NEK10: variants seen among roughly 807,000 people sequenced by gnomAD.
The protein encoded by NEK10 is NIMA related kinase 10, also known as serine/threonine-protein kinase Nek10.
NEK10 carries 122 observed loss-of-function variants against 159.8 expected under a neutral mutation model. The ratio of observed to expected loss-of-function variants is 0.76; its 90% confidence interval spans 0.66 to 0.89. The LOEUF is 0.89. Among genes scored for constraint, NEK10 ranks in the 40% least tolerant of loss-of-function variants. The pLI, the probability that NEK10 is intolerant of heterozygous loss-of-function variation, is 0.00. For missense variants in NEK10, 1,342 were observed against 1,323.1 expected, an observed-to-expected ratio of 1.01 and a Z score of -0.22; for synonymous variants, 466 against 457.1, an observed-to-expected ratio of 1.02 and a Z score of -0.25.
chr3:27,333,221 T>C (rs1025403619), intron 5 of NEK10, among the ~76,000 whole-genome samples: 2 of 152,060 alleles, frequency 1.3e-5, no homozygotes, highest in Non-Finnish European at 1.5e-5. Context: ...ATTATCACCA[T>C]GGACTCCTGC....
rs751581268 is a variant in NEK10, at chr3:27,297,195, G to A, written c.1214C>T (p.Ala405Val). 1 of 1,612,604 alleles carries A rather than the reference G, an allele frequency of 6.2e-7. No homozygotes were observed. Reference sequence around the variant, plus strand: ...TGCTCTCACCTGAACCACCTGGTGGGCATTGGTGTCATTGAGCACCAGCTC... The same window carrying A: ...TGCTCTCACCTGAACCACCTGGTGGACATTGGTGTCATTGAGCACCAGCTC... Reference protein sequence around the residue: ...LTELVLNDTNAHQVVQENGVY... With the variant: ...LTELVLNDTNVHQVVQENGVY... The change falls in exon 14 of 36, where the codon GCC (alanine) becomes GTC (valine). Residue 405 changes from alanine to valine, a missense_variant. Ala to Val is a moderately conservative substitution (Grantham distance 64). Coordinates refer to ENST00000691995, the MANE Select transcript of NEK10 (RefSeq NM_001394966.1).
chr3:27,121,324 A>T (rs890636506), intron 32 of NEK10, among the ~76,000 whole-genome samples: 1 of 152,160 alleles, frequency 6.6e-6, no homozygotes, highest in African/African-American at 2.4e-5. Context: ...CCAGAAACAA[A>T]ATACATAGTG....
At chr3:27,160,235 G>C (rs952603923) in intron 30 of NEK10, among the ~76,000 whole-genome samples, 2 of 152,074 alleles carry the variant, frequency 1.3e-5, no homozygotes, top group Non-Finnish European at 2.9e-5. Context: ...TGGTCCAAAC[G>C]TACTACTTTA....
At chr3:27,307,764 T>C in intron 11 of NEK10, 95 bp downstream of exon 11, 1 of 712,304 alleles carries the variant, frequency 1.4e-6, no homozygotes. Flanking sequence ...CATATTCAGT[T>C]ACAATGTAAA....
chr3:27,363,804 A>T (rs2048854593), intron 1 of NEK10: 1 of 152,184 alleles, frequency 6.6e-6, no homozygotes, highest in Non-Finnish European at 1.5e-5. Flanking sequence ...CACTGATGCA[A>T]GTTGACAAGT....
chr3:27,254,156 A>T (rs1955940742), intron 23 of NEK10, among the ~76,000 whole-genome samples: 2 of 152,118 alleles, frequency 1.3e-5, no homozygotes, highest in Admixed American at 1.3e-4. Flanking sequence ...AAACTCAAAA[A>T]TCTTTTTTAA....
chr3:27,257,788 C>CTTTTTTTT (rs79727702), intron 22 of NEK10, among the ~76,000 whole-genome samples: 14 of 130,528 alleles, frequency 1.1e-4, no homozygotes, highest in African/African-American at 3.6e-4. Flanking sequence ...TTTCTTTTTT[C>CTTTTTTTT]TTTTTTTTTT....
intron 1 of NEK10, among the ~76,000 whole-genome samples, chr3:27,356,206 T>C (rs2048315247): frequency 6.6e-6 from 1 of 152,190 alleles, no homozygotes; most frequent in Admixed American, 6.5e-5. Flanking sequence ...CCTCCAGAAC[T>C]GTTCTTTATA....
At chr3:27,256,458 T>C (rs1266282142) in intron 22 of NEK10, 87 bp from the exon 23 acceptor site, 10 of 592,046 alleles carry the variant, frequency 1.7e-5, no homozygotes, top group African/African-American at 3.9e-5. Context: ...ACACAATAAC[T>C]ACTACACTTC....
intron 26 of NEK10, among the ~76,000 whole-genome samples, chr3:27,183,233 TA>T (rs1948300220): frequency 2.0e-5 from 3 of 151,452 alleles, no homozygotes; most frequent in African/African-American, 7.3e-5. Flanking sequence ...ATTAAAACTT[TA>T]AAATTTAAAA....
intron 26 of NEK10, among the ~76,000 whole-genome samples, chr3:27,186,365 G>C (rs1288847270): frequency 2.0e-5 from 3 of 152,218 alleles, no homozygotes; most frequent in Admixed American, 1.3e-4. Context: ...GAAAAAGAAG[G>C]ATATAATAGA....
rs2148978463 is a variant in NEK10 at position 27,192,034 on chromosome 3, A to T, written c.2500T>A (p.Ser834Thr). Residue 834 changes from serine to threonine, a missense_variant, in exon 26 of 36, where the codon TCT (serine) becomes ACT (threonine). By Grantham distance (58) the Ser-to-Thr change is moderately conservative (BLOSUM62 1). Transcript: ENST00000691995. ...VTCHHELAVL[S>T]HETFEKASLS... ...ATTGAAATATTTGCACTTACGTGAG[A>T]TAGAACAGCCAGCTCATGGTGACAT... 1.2e-6 allele frequency: 2 copies of T among 1,614,154 alleles called. No homozygotes were observed. The highest frequency in any genetic ancestry group is 1.7e-6 in the Non-Finnish European group (2 of 1,179,980).
At chr3:27,155,812 A>G (rs1218952764) in intron 30 of NEK10, among the ~76,000 whole-genome samples, 1 of 152,132 alleles carries the variant, frequency 6.6e-6, no homozygotes, top group Non-Finnish European at 1.5e-5. Flanking sequence ...TATGCAACCA[A>G]AAAGGAGTCT....
At chr3:27,315,128 G>A (rs1400368647) in intron 6 of NEK10, among the ~76,000 whole-genome samples, 3 of 152,150 alleles carry the variant, frequency 2.0e-5, no homozygotes, top group African/African-American at 4.8e-5. Flanking sequence ...AATATTCTCA[G>A]GTGGCTTTAA....
chr3:27,151,292 C>A (rs140386042), intron 30 of NEK10, among the ~76,000 whole-genome samples: 1 of 152,104 alleles, frequency 6.6e-6, no homozygotes, highest in Non-Finnish European at 1.5e-5. Context: ...GCACTGGCAC[C>A]CACGGTTGAG....
intron 19 of NEK10, among the ~76,000 whole-genome samples, chr3:27,289,554 A>T: frequency 6.6e-6 from 1 of 152,354 alleles, no homozygotes; most frequent in East Asian, 1.9e-4. Context: ...AGTGGCCAGC[A>T]GATCGTAAGC....
intron 20 of NEK10, among the ~76,000 whole-genome samples, chr3:27,286,934 T>C (rs149984430): frequency 5.3e-4 from 81 of 152,006 alleles, no homozygotes; most frequent in African/African-American, 1.8e-3. Context: ...ATGGGTAAAA[T>C]TGTAACAAAT....
chr3:27,247,820 C>CTTTTTTTTTTTTTTTT (rs111440414), intron 23 of NEK10, among the ~76,000 whole-genome samples: 7 of 125,868 alleles, frequency 5.6e-5, no homozygotes, highest in Non-Finnish European at 1.0e-4. Flanking sequence ...CTTTTCTTTT[C>CTTTTTTTTTTTTTTTT]TTTTTTTTTT....
chr3:27,264,792 G>GGATTCTC (rs1559388363), intron 22 of NEK10, among the ~76,000 whole-genome samples: 6 of 152,072 alleles, frequency 3.9e-5, no homozygotes, highest in Non-Finnish European at 7.4e-5. Flanking sequence ...TACTCAGGAG[G>GGATTCTC]CTGAGACAGG....
Sources: gnomAD v4.1 joint callset for allele counts (sites outside exome capture counted in the v4.1 genomes callset) on GRCh38, gnomAD v4.1.1 for gene constraint, MANE v1.5 for transcripts, NCBI Gene and HGNC (gene_info 2026-07-23, HGNC 2026-07-21) for gene names.